Variants in CACNA2D1 observed in about 807,000 individuals in gnomAD.
CACNA2D1 encodes the protein voltage-dependent calcium channel subunit alpha-2/delta-1.
A neutral mutation model predicts 171.5 loss-of-function variants in CACNA2D1; 53 were observed. The observed-to-expected ratio is 0.31, with a 90% CI of 0.25 to 0.39. The LOEUF (loss-of-function observed/expected upper bound fraction) is 0.39. Among genes scored for constraint, CACNA2D1 ranks in the 10% least tolerant of loss-of-function variants. The probability of loss-of-function intolerance (pLI) is 1.00; values close to 1 mark genes in which losing one functional copy is unlikely to be tolerated. For synonymous variants in CACNA2D1, 442 were observed against 443.1 expected, an observed-to-expected ratio of 1.00 and a Z score of 0.03; for missense variants, 903 against 1,299.8, an observed-to-expected ratio of 0.69 and a Z score of 4.69.
In CACNA2D1 at chr7:82,256,017, C is replaced by T. The variant is rs372957950; in HGVS notation, c.294+79118G>A. ...TCAGGCCGGGTGCAGTGGCTCACAC[C>T]TGTAATCCCAGCATTTTGAGAGGCC... is the stretch of plus-strand genomic sequence containing the variant. On this transcript the variant is annotated intron_variant, in intron 3 of 38. Coordinates refer to ENST00000356860, the MANE Select transcript of CACNA2D1 (RefSeq NM_000722.4). 3.9e-5 allele frequency among the ~76,000 whole-genome samples: 6 copies of T among 152,294 alleles called. No homozygotes were observed. In the South Asian group the frequency reaches 1.2e-3, roughly 32 times the overall value.
rs139132370 is a variant in CACNA2D1 at position 82,319,783 on chromosome 7, T to G, written c.294+15352A>C. ...CACAATAGACCAACATTTATAGGAG[T>G]AGCTGTAATTGGGGAGTAATGAGTC... On this transcript the variant is annotated intron_variant, in intron 3 of 38. Coordinates refer to ENST00000356860, the MANE Select transcript of CACNA2D1 (RefSeq NM_000722.4). Among the ~76,000 whole-genome samples the G allele has an allele frequency of 2.4e-3, 363 of 152,096 alleles. 3 individuals are homozygous for G. Among genetic ancestry groups the G allele is most frequent in the African/African-American group, 8.3e-3 (344 of 41,464 alleles).
intron 1 of CACNA2D1, among the ~76,000 whole-genome samples, chr7:82,356,305 TC>T (rs754725727): frequency 7.9e-5 from 12 of 152,118 alleles, no homozygotes; most frequent in Non-Finnish European, 1.8e-4. Flanking sequence ...CTCACACATT[TC>T]CATGCATGTT....
chr7:82,194,475 T>C (rs1205292684), intron 3 of CACNA2D1, among the ~76,000 whole-genome samples: 1 of 151,882 alleles, frequency 6.6e-6, no homozygotes, highest in Non-Finnish European at 1.5e-5. Context: ...CAAGCAAGAG[T>C]TGAAGTAGTT....
intron 1 of CACNA2D1, 23 bp downstream of exon 1, chr7:82,443,342 C>G: frequency 6.3e-7 from 1 of 1,595,258 alleles, no homozygotes; most frequent in Non-Finnish European, 8.5e-7. Flanking sequence ...GGCCGGCGCT[C>G]CCTGCCCGGC....
intron 12 of CACNA2D1, among the ~76,000 whole-genome samples, chr7:82,020,059 T>C (rs1800998666): frequency 6.6e-6 from 1 of 152,184 alleles, no homozygotes; most frequent in Non-Finnish European, 1.5e-5. Flanking sequence ...ATGTAATAAA[T>C]AAAAGTGTCC....
intron 3 of CACNA2D1, among the ~76,000 whole-genome samples, chr7:82,194,345 G>A (rs370827260): frequency 2.6e-5 from 4 of 152,094 alleles, no homozygotes; most frequent in Admixed American, 1.3e-4. Flanking sequence ...ACTCCTGCAT[G>A]TTCATGCAGG....
intron 12 of CACNA2D1, among the ~76,000 whole-genome samples, chr7:82,024,942 A>G (rs37148): frequency 0.53 from 79,574 of 151,216 alleles, 23,147 homozygotes; most frequent in African/African-American, 0.79. Context: ...TAGAGGATCA[A>G]TTGGCCATAT....
chr7:82,268,207 G>T (rs1465342490), intron 3 of CACNA2D1, among the ~76,000 whole-genome samples: 4 of 152,120 alleles, frequency 2.6e-5, no homozygotes, highest in Admixed American at 2.6e-4. Context: ...GTGGAGTTTA[G>T]AAAGATTAAA....
intron 5 of CACNA2D1, among the ~76,000 whole-genome samples, chr7:82,133,378 G>C (rs1176207117): frequency 1.3e-5 from 2 of 152,122 alleles, no homozygotes; most frequent in African/African-American, 4.8e-5. Context: ...AATACTGGAA[G>C]ACAAGTAATC....
chr7:82,375,120 A>G (rs1223425846), intron 1 of CACNA2D1, among the ~76,000 whole-genome samples: 1 of 152,198 alleles, frequency 6.6e-6, no homozygotes, highest in Non-Finnish European at 1.5e-5. Flanking sequence ...TCAGAGAGAT[A>G]GAAGAAAAAA....
intron 1 of CACNA2D1, among the ~76,000 whole-genome samples, chr7:82,405,718 T>C (rs1826956670): frequency 6.6e-6 from 1 of 152,186 alleles, no homozygotes; most frequent in Non-Finnish European, 1.5e-5. Flanking sequence ...TGGTGTCTGG[T>C]GGAATACATT....
chr7:82,422,406 G>A (rs942254534), intron 1 of CACNA2D1, among the ~76,000 whole-genome samples: 1 of 152,098 alleles, frequency 6.6e-6, no homozygotes, highest in East Asian at 1.9e-4. Context: ...TCACTTAAAA[G>A]GGAAAAGCTA....
chr7:82,011,975 T>C, intron 15 of CACNA2D1, 179 bp downstream of exon 15: 1 of 592,902 alleles, frequency 1.7e-6, no homozygotes. Flanking sequence ...AGTTTTCTAC[T>C]ACATACGAGT....
chr7:82,118,491 C>T (rs982129526), intron 5 of CACNA2D1, among the ~76,000 whole-genome samples: 1 of 152,052 alleles, frequency 6.6e-6, no homozygotes, highest in Non-Finnish European at 1.5e-5. Context: ...GCAAGTGTTA[C>T]CAGTATTATT....
chr7:82,190,269 A>G (rs932199148), intron 3 of CACNA2D1, among the ~76,000 whole-genome samples: 1 of 151,880 alleles, frequency 6.6e-6, no homozygotes, highest in Non-Finnish European at 1.5e-5. Context: ...AATTTAGTTT[A>G]TCAATTAGTT....
chr7:82,412,862 T>C (rs1398238678), intron 1 of CACNA2D1, among the ~76,000 whole-genome samples: 1 of 152,066 alleles, frequency 6.6e-6, no homozygotes, highest in African/African-American at 2.4e-5. Flanking sequence ...TCAAAACATT[T>C]TGTTAAATTC....
chr7:82,423,950 TA>T (rs1256785647), intron 1 of CACNA2D1, among the ~76,000 whole-genome samples: 1 of 152,202 alleles, frequency 6.6e-6, no homozygotes, highest in Non-Finnish European at 1.5e-5. Context: ...CTGTGGAATT[TA>T]AGTAAAAGAA....
chr7:82,346,934 T>C (rs1585594211), intron 2 of CACNA2D1, among the ~76,000 whole-genome samples: 1 of 152,352 alleles, frequency 6.6e-6, no homozygotes, highest in African/African-American at 2.4e-5. Context: ...TCCAATTTAA[T>C]AGTTGTGTAA....
At chr7:82,036,238 C>T (rs901439657) in intron 11 of CACNA2D1, among the ~76,000 whole-genome samples, 2 of 152,060 alleles carry the variant, frequency 1.3e-5, no homozygotes, top group African/African-American at 4.8e-5. Context: ...CTACGAATAC[C>T]TTCCTTAACT....
Sources: gnomAD v4.1 joint callset for allele counts (sites outside exome capture counted in the v4.1 genomes callset) on GRCh38, gnomAD v4.1.1 for gene constraint, MANE v1.5 for transcripts, NCBI Gene and HGNC (gene_info 2026-07-23, HGNC 2026-07-21) for gene names.